KCTD2: variants seen among roughly 807,000 people sequenced by gnomAD.
KCTD2 encodes potassium channel tetramerization domain containing 2, also known as BTB/POZ domain-containing protein KCTD2.
A neutral mutation model predicts 27.9 loss-of-function variants in KCTD2; 18 were observed. The ratio of observed to expected loss-of-function variants is 0.64; its 90% confidence interval spans 0.45 to 0.96. KCTD2 has a LOEUF of 0.96. Ranked by LOEUF, KCTD2 falls within the 40% of genes least tolerant of loss-of-function variation. The pLI, the probability that KCTD2 is intolerant of heterozygous loss-of-function variation, is 0.00. For missense variants in KCTD2, 280 were observed against 348.0 expected, an observed-to-expected ratio of 0.80 and a Z score of 1.56; for synonymous variants, 175 against 148.4, an observed-to-expected ratio of 1.18 and a Z score of -1.30.
upstream of KCTD2, chr17:75,042,625 T>C: frequency 6.2e-7 from 1 of 1,611,448 alleles, no homozygotes; most frequent in Non-Finnish European, 8.5e-7. Context: ...GTCAATGGTT[T>C]TTAGAGCAAG....
intron 1 of KCTD2, 99 bp downstream of exon 1, chr17:75,047,688 C>G: frequency 7.8e-7 from 1 of 1,286,042 alleles, no homozygotes. Context: ...ACAGGCAGCC[C>G]CCTCAGGCCG....
chr17:75,043,880 G>A (rs2073185481), upstream of KCTD2, among the ~76,000 whole-genome samples: 1 of 151,970 alleles, frequency 6.6e-6, no homozygotes, highest in Non-Finnish European at 1.5e-5. Context: ...TGCTAAAAGT[G>A]TCACATGAAA....
In KCTD2 at chr17:75,047,341, C is replaced by A. The variant is rs911129744; in HGVS notation, c.91C>A (p.Pro31Thr). The A allele has an allele frequency of 8.7e-7, 1 of 1,150,194 alleles. No homozygotes were observed. The highest frequency in any genetic ancestry group is 1.1e-6 in the Non-Finnish European group (1 of 935,462). The allele number at this position is 1,150,194 out of a possible 1,614,324, so 71.2% of individuals were successfully genotyped here. The change falls in exon 1 of 6, where the codon CCC becomes ACC. Residue 31 changes from proline to threonine, a missense_variant. Transcript: ENST00000322444. ...CGACGGGGGTGGCCCAGTCCGCGGGCCCCCCAGCCCACGCCCGGCTGGCCC... is the reference window on the plus strand; with the variant it reads ...CGACGGGGGTGGCCCAGTCCGCGGGACCCCCAGCCCACGCCCGGCTGGCCC... ...VGDGGGPVRG[P>T]PSPRPAGPTP...
chr17:75,038,275 C>T (rs61410279), intron 3 of KCTD2, among the ~76,000 whole-genome samples: 5,071 of 151,920 alleles, frequency 0.033, 263 homozygotes, highest in African/African-American at 0.12. Flanking sequence ...GCTGGGATTA[C>T]AGGCGCCCCC....
At chr17:75,060,431 CA>C in intron 4 of KCTD2, 2 of 1,597,364 alleles carry the variant, frequency 1.3e-6, no homozygotes, top group Admixed American at 1.7e-5. Context: ...TTCAAAAAGC[CA>C]AAAAAGTCCT....
At chr17:75,035,832 A>AAAACAAAC (rs574227442) in intron 3 of KCTD2, among the ~76,000 whole-genome samples, 1 of 151,940 alleles carries the variant, frequency 6.6e-6, no homozygotes, top group East Asian at 1.9e-4. Flanking sequence ...AAGCCGTCTC[A>AAAACAAAC]AAACAAACAA....
At chr17:75,062,938 C>G (rs935649785) in intron 5 of KCTD2, 80 bp from the exon 6 acceptor site, 2 of 1,458,156 alleles carry the variant, frequency 1.4e-6, no homozygotes, top group East Asian at 4.6e-5. Flanking sequence ...TGCCACTCAT[C>G]GGGTCCAGTG....
At chr17:75,050,565 A>G (rs1356608737) in intron 2 of KCTD2, among the ~76,000 whole-genome samples, 3 of 151,730 alleles carry the variant, frequency 2.0e-5, no homozygotes, top group Admixed American at 6.6e-5. Context: ...GCCCGACCTG[A>G]GATGTTTGGA....
upstream of KCTD2, among the ~76,000 whole-genome samples, chr17:75,042,882 A>AAAAAAAAG (rs1411609225): frequency 6.6e-6 from 1 of 151,872 alleles, no homozygotes; most frequent in Non-Finnish European, 1.5e-5. Flanking sequence ...CTCCAACTCA[A>AAAAAAAAG]AAAAAAAGAA....
At chr17:75,053,857 G>GTTTTTTTTT (rs1567992373) in intron 3 of KCTD2, among the ~76,000 whole-genome samples, 4 of 79,530 alleles carry the variant, frequency 5.0e-5, no homozygotes, top group African/African-American at 1.6e-4. Context: ...TGTGAACCAT[G>GTTTTTTTTT]CTTTTTTTTT....
At chr17:75,059,462 A>G in intron 3 of KCTD2, 48 bp from the exon 4 acceptor site, 1 of 1,318,328 alleles carries the variant, frequency 7.6e-7, no homozygotes, top group Non-Finnish European at 1.0e-6. Flanking sequence ...GCAGCTGCAA[A>G]CTGTGGTGTC....
At chr17:75,062,900 C>G in intron 5 of KCTD2, 118 bp from the exon 6 acceptor site, 1 of 1,087,556 alleles carries the variant, frequency 9.2e-7, no homozygotes, top group East Asian at 2.5e-5. Flanking sequence ...TGCACCCCTG[C>G]TTGCTTCCTG....
chr17:75,058,144 T>G (rs1393912399), intron 3 of KCTD2, among the ~76,000 whole-genome samples: 2 of 151,232 alleles, frequency 1.3e-5, no homozygotes, highest in East Asian at 4.0e-4. Flanking sequence ...GCCAACATGG[T>G]GAGACTTCGT....
intron 2 of KCTD2, among the ~76,000 whole-genome samples, chr17:75,050,132 TAATGGG>T (rs2144926822): frequency 6.6e-6 from 1 of 152,336 alleles, no homozygotes; most frequent in South Asian, 2.1e-4. Context: ...CATACAGAAG[TAATGGG>T]AATAGTACAT....
intron 1 of KCTD2, among the ~76,000 whole-genome samples, chr17:75,033,849 T>C (rs138782296): frequency 3.0e-4 from 46 of 152,310 alleles, no homozygotes; most frequent in African/African-American, 1.1e-3. Flanking sequence ...AGGCCTTCTC[T>C]AGGAAAAGGG....
intron 4 of KCTD2, 94 bp downstream of exon 4, chr17:75,059,699 G>C: frequency 1.1e-6 from 1 of 944,436 alleles, no homozygotes; most frequent in East Asian, 2.5e-5. Context: ...AATAACCACG[G>C]GAGACGGCTA....
intron 3 of KCTD2, among the ~76,000 whole-genome samples, chr17:75,037,946 G>A (rs2073119757): frequency 6.6e-6 from 1 of 151,990 alleles, no homozygotes; most frequent in African/African-American, 2.4e-5. Flanking sequence ...CTACTCAGGA[G>A]GCTAAGGCAG....
rs369589395 is a variant in KCTD2 at position 75,042,148 on chromosome 17, C to G, written c.-259+6791C>G. On this transcript the variant is annotated intron_variant, in intron 3 of 7. Coordinates refer to the KCTD2 transcript ENST00000581589. Reference sequence around the variant, plus strand: ...CTGCTCCCTACCCACAGGCATGTTACAAGCTCAGTGCTTTAGAGGTGTGAA... The same window carrying G: ...CTGCTCCCTACCCACAGGCATGTTAGAAGCTCAGTGCTTTAGAGGTGTGAA... The G allele has an allele frequency of 6.3e-6, 10 of 1,578,486 alleles. No individual in the cohort carries two copies. The Admixed American group carries it at 1.5e-4, about 24-fold the overall frequency.
rs543502234 is a variant in KCTD2, at chr17:75,047,636, T to A, written c.339+47T>A. ...GCCCCCGGGCCTTCGAACCCCCTGG[T>A]TTCTCGTAGATCGGTCCCCAGAGTC... On this transcript the variant is annotated intron_variant, in intron 1 of 5. Coordinates refer to ENST00000322444, the MANE Select transcript of KCTD2 (RefSeq NM_015353.3). 300 of 1,561,838 alleles carry A rather than the reference T, an allele frequency of 1.9e-4. 6 individuals are homozygous for A. The South Asian group carries it at 2.6e-3, about 14-fold the overall frequency.
Sources: gnomAD v4.1 joint callset for allele counts (sites outside exome capture counted in the v4.1 genomes callset) on GRCh38, gnomAD v4.1.1 for gene constraint, MANE v1.5 for transcripts, NCBI Gene and HGNC (gene_info 2026-07-23, HGNC 2026-07-21) for gene names.